Variants in DEPDC5 observed in about 807,000 individuals in gnomAD.
DEPDC5 encodes the protein GATOR1 complex protein DEPDC5.
DEPDC5 carries 73 observed loss-of-function variants against 217.3 expected under a neutral mutation model. The observed-to-expected ratio is 0.34, with a 90% CI of 0.28 to 0.41. The LOEUF (loss-of-function observed/expected upper bound fraction) is 0.41. Ranked by LOEUF, DEPDC5 falls within the 10% of genes least tolerant of loss-of-function variation. DEPDC5 has a pLI of 1.00. For synonymous variants in DEPDC5, 733 were observed against 756.7 expected (o/e 0.97, Z 0.51); for missense variants, 1,675 against 2,070.1 (o/e 0.81, Z 3.70).
chr22:31,784,356 C>T (rs77263470), intron 9 of DEPDC5: 6,120 of 198,806 alleles, frequency 0.031, 157 homozygotes, highest in South Asian at 0.055. Context: ...AGGCCGGGCA[C>T]AGCGGTTCAT....
At chr22:31,774,296 C>A (rs2083619682) in intron 7 of DEPDC5, among the ~76,000 whole-genome samples, 1 of 150,784 alleles carries the variant, frequency 6.6e-6, no homozygotes, top group Non-Finnish European at 1.5e-5. Context: ...GCCTCCCAGG[C>A]TCAAGCAATT....
rs5749334 is a variant in DEPDC5, at chr22:31,815,426, A to C, written c.1666+214A>C. The C allele has an allele frequency of 0.57, 385,063 of 672,068 alleles. 113,583 individuals are homozygous for C. Among genetic ancestry groups the C allele is most frequent in the African/African-American group, 0.78 (40,306 of 51,540 alleles). The allele number at this position is 672,068 out of a possible 1,614,324, so 41.6% of individuals were successfully genotyped here. A position where few individuals can be genotyped will look rare whatever the true frequency, so the allele number is the denominator to read the frequency against. On this transcript the variant is annotated intron_variant, in intron 21 of 42. Coordinates refer to ENST00000651528, the MANE Select transcript of DEPDC5 (RefSeq NM_001242896.3). ...TTTTTTTGGTGACAGAGCACCTAGG[A>C]TAAAGTGCAGTGATGCAATCACAGC...
At chr22:31,844,882 T>G in intron 29 of DEPDC5, 136 bp from the exon 30 acceptor site, 84 of 888,282 alleles carry the variant, frequency 9.5e-5, no homozygotes, top group Non-Finnish European at 1.4e-4. Flanking sequence ...AACAAAGCCA[T>G]GAGCTGTAGC....
At chr22:31,813,616 T>G (rs1469058037) in intron 20 of DEPDC5, among the ~76,000 whole-genome samples, 1 of 152,032 alleles carries the variant, frequency 6.6e-6, no homozygotes, top group African/African-American at 2.4e-5. Flanking sequence ...TTCTTTCTTT[T>G]TGATCCTTCT....
At chr22:31,846,113 T>C (rs1569091662) in intron 30 of DEPDC5, among the ~76,000 whole-genome samples, 2 of 152,276 alleles carry the variant, frequency 1.3e-5, no homozygotes, top group Middle Eastern at 3.4e-3. Context: ...ATGCCTGGAC[T>C]TATGCTAGTC....
chr22:31,862,592 T>G (rs996137534), intron 33 of DEPDC5, among the ~76,000 whole-genome samples: 7 of 152,170 alleles, frequency 4.6e-5, no homozygotes, highest in African/African-American at 1.7e-4. Context: ...AAAATAGAAT[T>G]TTTTAAAATG....
chr22:31,850,497 AG>A (rs2091967047), intron 31 of DEPDC5, among the ~76,000 whole-genome samples: 1 of 152,246 alleles, frequency 6.6e-6, no homozygotes, highest in Non-Finnish European at 1.5e-5. Flanking sequence ...ATGAAACTTT[AG>A]CATAAGTATG....
intron 33 of DEPDC5, among the ~76,000 whole-genome samples, chr22:31,869,259 G>A (rs112589591): frequency 0.012 from 1,846 of 151,490 alleles, 33 homozygotes; most frequent in Non-Finnish European, 0.013. Context: ...AAAAAAAGAT[G>A]CAGCACCATT....
rs747098092 is a variant in DEPDC5 at position 31,906,187 on chromosome 22, G to T, written c.4520-18G>T. 1.2e-6 allele frequency: 2 copies of T among 1,612,812 alleles called. No individual in the cohort carries two copies. The highest frequency in any genetic ancestry group is 2.7e-5 in the African/African-American group (2 of 74,844). On this transcript the variant is annotated intron_variant, in intron 42 of 42. Transcript: ENST00000651528. The surrounding 1 kb of genome is among the most constrained non-coding windows in gnomAD (Gnocchi z 5.1). ...CCCTCCTGGTGGCTGCCACACAGGC[G>T]CTCCCCTTTCTCTTCAGGAACAGTG...
rs746214342 is a variant in DEPDC5, at chr22:31,783,957, C to T, written c.534C>T (p.Ser178=). The change falls in exon 9 of 43, where the codon AGC becomes AGT. Residue 178 remains serine (S), a synonymous_variant. Coordinates refer to ENST00000651528, the MANE Select transcript of DEPDC5 (RefSeq NM_001242896.3). ...TGGTTTACATATTTATTCAGATGAGCTGTGAAATGTGGGATTTTGATATTT... is the reference window on the plus strand; with the variant it reads ...TGGTTTACATATTTATTCAGATGAGTTGTGAAATGTGGGATTTTGATATTT... ...SAMVYIFIQM[S]CEMWDFDIYG... 3 of 1,613,500 alleles carry T rather than the reference C, an allele frequency of 1.9e-6. No homozygotes were observed. In the East Asian group the frequency reaches 6.7e-5, roughly 36 times the overall value.
At chr22:31,806,788 T>G (rs539715853) in intron 18 of DEPDC5, among the ~76,000 whole-genome samples, 1 of 152,298 alleles carries the variant, frequency 6.6e-6, no homozygotes, top group African/African-American at 2.4e-5. Context: ...GGAGGATTGT[T>G]TGAAGCCAGG....
intron 8 of DEPDC5, among the ~76,000 whole-genome samples, chr22:31,781,295 A>T (rs887972601): frequency 1.3e-5 from 2 of 151,614 alleles, no homozygotes; most frequent in Admixed American, 1.3e-4. Context: ...CAGGTTTTCC[A>T]TTAAATTAAT....
At chr22:31,835,630 C>T (rs1201715778) in intron 25 of DEPDC5, among the ~76,000 whole-genome samples, 1 of 152,178 alleles carries the variant, frequency 6.6e-6, no homozygotes, top group African/African-American at 2.4e-5. Context: ...CTGGCTTCCC[C>T]ACTGGGGCTT....
chr22:31,843,604 C>CT, intron 28 of DEPDC5, 41 bp from the exon 29 acceptor site: 3 of 1,575,116 alleles, frequency 1.9e-6, no homozygotes, highest in Non-Finnish European at 2.6e-6. Flanking sequence ...GAATTTGTCT[C>CT]TAACTCTTTT....
At position 31,867,778 on chromosome 22, in the gene DEPDC5, T is replaced by TA. The variant is rs529692884; in HGVS notation, c.3331-2810dup. Reference sequence around the variant, plus strand: ...ATTCCTGATCCAGAGGACAACTCTTTAACCACCCCCTACCCCGGCTCCCAC... The same window carrying TA: ...ATTCCTGATCCAGAGGACAACTCTTTAAACCACCCCCTACCCCGGCTCCCAC... On this transcript the variant is annotated intron_variant, in intron 33 of 42. Transcript: ENST00000651528. Among the ~76,000 whole-genome samples, 12 of 152,182 alleles carry TA rather than the reference T, an allele frequency of 7.9e-5. No individual in the cohort carries two copies. The South Asian group carries it at 2.5e-3, about 32-fold the overall frequency.
chr22:31,882,887 G>A (rs907776185), intron 38 of DEPDC5, among the ~76,000 whole-genome samples: 1 of 152,002 alleles, frequency 6.6e-6, no homozygotes, highest in Non-Finnish European at 1.5e-5. Flanking sequence ...GCCTCCCAAA[G>A]TGCTAGGATT....
At chr22:31,799,413 T>C (rs916462239) in intron 14 of DEPDC5, among the ~76,000 whole-genome samples, 1 of 151,568 alleles carries the variant, frequency 6.6e-6, no homozygotes, top group Non-Finnish European at 1.5e-5. Flanking sequence ...TACATAGATA[T>C]ACGTGTGCCA....
chr22:31,860,369 G>A (rs536341188), intron 32 of DEPDC5, among the ~76,000 whole-genome samples: 1 of 152,268 alleles, frequency 6.6e-6, no homozygotes, highest in South Asian at 2.1e-4. Context: ...CAATAAAATG[G>A]GCACCCAAAT....
At chr22:31,814,123 A>G (rs1261611542) in intron 20 of DEPDC5, 1 of 152,300 alleles carries the variant, frequency 6.6e-6, no homozygotes, top group Non-Finnish European at 1.5e-5. Context: ...TGACAGAGTG[A>G]GACTCCGTCT....
Sources: allele counts gnomAD v4.1 joint callset (sites outside exome capture counted in the v4.1 genomes callset), GRCh38; gene constraint gnomAD v4.1.1; non-coding constraint Gnocchi (gnomAD v3.1); transcripts MANE v1.5; gene names NCBI Gene and HGNC (gene_info 2026-07-23, HGNC 2026-07-21).